UBXN7: variants seen among roughly 807,000 people sequenced by gnomAD.
UBXN7 encodes the protein UBX domain-containing protein 7.
In UBXN7, 9 loss-of-function variants were observed where a neutral mutation model predicts 58.0. The ratio of observed to expected loss-of-function variants is 0.16; its 90% CI spans 0.09 to 0.27. UBXN7 has a LOEUF of 0.27. Ranked by LOEUF, UBXN7 falls within the 10% of genes least tolerant of loss-of-function variation. The pLI, the probability that UBXN7 is intolerant of heterozygous loss-of-function variation, is 1.00. For missense variants in UBXN7, 328 were observed against 599.6 expected (o/e 0.55, Z 4.73); for synonymous variants, 208 against 205.0 (o/e 1.01, Z -0.12).
rs765130507 is a variant in UBXN7 at position 196,368,012 on chromosome 3, T to A, written c.834+16A>T. On this transcript the variant is annotated intron_variant, in intron 8 of 10. Transcript: ENST00000296328. The stretch of plus-strand genomic sequence containing the variant: ...TTACATTTATTTTCCCATCACCACC[T>A]CCTAATTATACTTACTGAACGGGCA... 6.2e-6 allele frequency: 10 copies of A among 1,607,034 alleles called. No individual in the cohort carries two copies. The highest frequency in any genetic ancestry group is 8.5e-6 in the Non-Finnish European group (10 of 1,177,662).
intron 3 of UBXN7, among the ~76,000 whole-genome samples, chr3:196,398,052 T>C (rs946547754): frequency 6.6e-5 from 10 of 152,300 alleles, no homozygotes; most frequent in African/African-American, 1.7e-4. Flanking sequence ...GCAGACATGA[T>C]GGGATTTCAC....
intron 1 of UBXN7, among the ~76,000 whole-genome samples, chr3:196,428,268 A>G (rs892534681): frequency 1.3e-5 from 2 of 152,166 alleles, no homozygotes; most frequent in Non-Finnish European, 2.9e-5. Flanking sequence ...AAAGGTTTGT[A>G]GCATAATGTT....
rs574082882 is a variant in UBXN7, at chr3:196,367,968, A to G, written c.834+60T>C. The G allele has an allele frequency of 3.2e-6, 5 of 1,576,126 alleles. No homozygotes were observed. In the East Asian group the frequency reaches 6.8e-5, roughly 21 times the overall value. On this transcript the variant is annotated intron_variant, in intron 8 of 10. Transcript: ENST00000296328. The stretch of plus-strand genomic sequence containing the variant: ...ACCATCTTAACATCGAACATTTTAT[A>G]TAAGATGCTTATGACCAATTACATT...
chr3:196,417,502 T>C (rs1325834232), intron 1 of UBXN7, among the ~76,000 whole-genome samples: 1 of 151,994 alleles, frequency 6.6e-6, no homozygotes, highest in Non-Finnish European at 1.5e-5. Flanking sequence ...GACCTTCTAC[T>C]TCTGTCATTC....
At chr3:196,406,601 G>A (rs1054120603) in intron 2 of UBXN7, among the ~76,000 whole-genome samples, 5 of 151,744 alleles carry the variant, frequency 3.3e-5, no homozygotes. Flanking sequence ...CACCACGCCT[G>A]GCTAATTTTT....
At position 196,367,957 on chromosome 3, in the gene UBXN7, G is replaced by A. The variant is rs1026560788; in HGVS notation, c.834+71C>T. On this transcript the variant is annotated intron_variant, in intron 8 of 10. Transcript: ENST00000296328. ...AGATTATCTTTACCATCTTAACATC[G>A]AACATTTTATATAAGATGCTTATGA... The A allele has an allele frequency of 1.2e-5, 18 of 1,551,546 alleles. No homozygotes were observed. The Admixed American group carries it at 1.7e-4, about 15-fold the overall frequency.
intron 5 of UBXN7, among the ~76,000 whole-genome samples, chr3:196,374,997 AGGG>A (rs1728963355): frequency 1.6e-5 from 1 of 63,088 alleles, no homozygotes; most frequent in Admixed American, 1.4e-4. Context: ...GGAGGGAGGG[AGGG>A]AGGGAGGAAG....
rs181492887 is a variant in UBXN7 at position 196,429,429 on chromosome 3, C to T, written c.73+2898G>A. Among the ~76,000 whole-genome samples the T allele has an allele frequency of 2.0e-4, 31 of 151,782 alleles. No homozygotes were observed. The East Asian group carries it at 5.4e-3, about 26-fold the overall frequency. On this transcript the variant is annotated intron_variant, in intron 1 of 10. Coordinates refer to ENST00000296328, the MANE Select transcript of UBXN7 (RefSeq NM_015562.2). Reference sequence around the variant, plus strand: ...GACTTTTCTAAAATCTTTCAATTTTCCGTTCTATTTCTAAATGCCAAAAAA... The same window carrying T: ...GACTTTTCTAAAATCTTTCAATTTTTCGTTCTATTTCTAAATGCCAAAAAA...
chr3:196,414,118 T>C (rs1730412661), intron 1 of UBXN7, among the ~76,000 whole-genome samples: 1 of 152,098 alleles, frequency 6.6e-6, no homozygotes, highest in Non-Finnish European at 1.5e-5. Flanking sequence ...GCCTCCCAGG[T>C]AGCTGTTCTG....
intron 5 of UBXN7, among the ~76,000 whole-genome samples, chr3:196,372,364 CAG>C (rs1338839302): frequency 5.3e-4 from 64 of 121,044 alleles, no homozygotes; most frequent in Non-Finnish European, 8.8e-4. Flanking sequence ...TTTTTTGAGA[CAG>C]AGTCTAACTC....
At chr3:196,391,705 G>T in intron 5 of UBXN7, 108 bp downstream of exon 5, 1 of 761,100 alleles carries the variant, frequency 1.3e-6, no homozygotes, top group Non-Finnish European at 2.1e-6. Context: ...CTGCAGTCCA[G>T]CCTGGACGAC....
chr3:196,361,108 G>A (rs1289448318), intron 10 of UBXN7, among the ~76,000 whole-genome samples: 2 of 152,126 alleles, frequency 1.3e-5, no homozygotes, highest in Non-Finnish European at 2.9e-5. Context: ...ACATGAACAG[G>A]GCTTTGGAAG....
intron 2 of UBXN7, 123 bp downstream of exon 2, chr3:196,407,121 ACT>A: frequency 2.2e-6 from 3 of 1,365,354 alleles, no homozygotes; most frequent in Non-Finnish European, 2.9e-6. Flanking sequence ...TCCACTTCAT[ACT>A]TTTTCAGAGG....
At chr3:196,408,241 T>C (rs143559334) in intron 1 of UBXN7, among the ~76,000 whole-genome samples, 3 of 151,846 alleles carry the variant, frequency 2.0e-5, no homozygotes, top group African/African-American at 4.8e-5. Flanking sequence ...CTATTACAAA[T>C]GTACTCATTT....
chr3:196,425,863 C>A (rs1017236106), intron 1 of UBXN7, among the ~76,000 whole-genome samples: 1 of 152,078 alleles, frequency 6.6e-6, no homozygotes, highest in African/African-American at 2.4e-5. Context: ...TCTTGACCTC[C>A]CTCTTTTGTG....
At position 196,356,993 on chromosome 3, in the gene UBXN7, T is replaced by C. The variant is rs1028753754; in HGVS notation, c.1309-147A>G. On this transcript the variant is annotated intron_variant, in intron 10 of 10. Coordinates refer to ENST00000296328, the MANE Select transcript of UBXN7 (RefSeq NM_015562.2). ...TCTTTCATATAACCAAAGCTTGCCC[T>C]TGGGGAAGGGCCAATATAAACCTTT... 6 of 1,097,842 alleles carry C rather than the reference T, an allele frequency of 5.5e-6. No individual in the cohort carries two copies. The East Asian group carries it at 8.2e-5, about 15-fold the overall frequency. The allele number at this position is 1,097,842 out of a possible 1,614,324, so 68.0% of individuals were successfully genotyped here. A position where few individuals can be genotyped will look rare whatever the true frequency, so the allele number is the denominator to read the frequency against.
chr3:196,366,570 CAATACAATACAATA>C (rs941686906), intron 8 of UBXN7, among the ~76,000 whole-genome samples: 7 of 151,514 alleles, frequency 4.6e-5, no homozygotes, highest in South Asian at 4.2e-4. Context: ...TCAAAAAATA[CAATACAATACAATA>C]AATACAATAC....
chr3:196,413,972 T>G (rs931435111), intron 1 of UBXN7, among the ~76,000 whole-genome samples: 1 of 152,162 alleles, frequency 6.6e-6, no homozygotes, highest in Admixed American at 6.6e-5. Flanking sequence ...CAGAAAAGTC[T>G]CTACGTGTTC....
intron 5 of UBXN7, among the ~76,000 whole-genome samples, chr3:196,382,929 C>T (rs113312205): frequency 0.016 from 2,401 of 152,150 alleles, 29 homozygotes; most frequent in Non-Finnish European, 0.024. Flanking sequence ...TCCTGGCTAA[C>T]ACGGTGAAAC....
Sources: allele counts gnomAD v4.1 joint callset (sites outside exome capture counted in the v4.1 genomes callset), GRCh38; gene constraint gnomAD v4.1.1; transcripts MANE v1.5; gene names NCBI Gene and HGNC (gene_info 2026-07-23, HGNC 2026-07-21).